SYT16: variants seen among roughly 807,000 people sequenced by gnomAD.
The protein encoded by SYT16 is synaptotagmin-16.
SYT16 carries 42 observed loss-of-function variants against 61.4 expected under a neutral mutation model. That is an observed-to-expected ratio of 0.68 (90% CI 0.53 to 0.89). SYT16 has a LOEUF of 0.89. Ranked by LOEUF, SYT16 falls within the 40% of genes least tolerant of loss-of-function variation. The pLI is 0.00. For synonymous variants in SYT16, 314 were observed against 302.3 expected (o/e 1.04, Z -0.40); for missense variants, 804 against 807.3 (o/e 1.00, Z 0.05).
At chr14:62,009,628 A>G (rs924938088) in intron 3 of SYT16, among the ~76,000 whole-genome samples, 2 of 152,180 alleles carry the variant, frequency 1.3e-5, no homozygotes, top group African/African-American at 4.8e-5. Flanking sequence ...TCCTATGCCC[A>G]AAAGAGCAGT....
At chr14:61,955,948 A>G (rs1036973352) in intron 1 of SYT16, among the ~76,000 whole-genome samples, 3 of 151,624 alleles carry the variant, frequency 2.0e-5, no homozygotes, top group African/African-American at 7.3e-5. Flanking sequence ...CCTCCCCAAC[A>G]CTTGCTCCTT....
intron 7 of SYT16, among the ~76,000 whole-genome samples, chr14:62,091,668 T>G (rs1473197137): frequency 6.6e-6 from 1 of 152,156 alleles, no homozygotes; most frequent in Non-Finnish European, 1.5e-5. Flanking sequence ...AGCATGAAGG[T>G]TGGATCCTTA....
chr14:61,899,547 G>C (rs572161177), intron 1 of SYT16, among the ~76,000 whole-genome samples: 6 of 152,324 alleles, frequency 3.9e-5, no homozygotes, highest in Admixed American at 2.6e-4. Context: ...AAGGTACAAA[G>C]CATCAGTAAG....
At chr14:61,869,643 A>G (rs575402014) in intron 1 of SYT16, among the ~76,000 whole-genome samples, 1 of 152,320 alleles carries the variant, frequency 6.6e-6, no homozygotes, top group East Asian at 1.9e-4. Flanking sequence ...CAACTCACCT[A>G]TTGAAGCCTA....
chr14:62,048,983 C>G (rs577605072), intron 3 of SYT16, among the ~76,000 whole-genome samples: 2 of 152,136 alleles, frequency 1.3e-5, no homozygotes, highest in African/African-American at 4.8e-5. Flanking sequence ...CTGTAGATGT[C>G]TGTTAGGTCT....
chr14:61,883,842 C>A (rs181332749), intron 1 of SYT16, among the ~76,000 whole-genome samples: 6 of 152,254 alleles, frequency 3.9e-5, no homozygotes, highest in Admixed American at 3.9e-4. Context: ...ACAATCATGG[C>A]GGAAAGCAGG....
chr14:61,961,725 T>G (rs918437495), intron 1 of SYT16, among the ~76,000 whole-genome samples: 4 of 152,132 alleles, frequency 2.6e-5, no homozygotes, highest in African/African-American at 9.7e-5. Flanking sequence ...TGAAAGAACT[T>G]AAAACAGAAT....
chr14:62,111,925 T>G lies in SYT16; in HGVS notation c.*11218T>G, dbSNP rs1438193876. On this transcript the variant is annotated 3_prime_UTR_variant, in exon 8 of 8. Coordinates refer to ENST00000683842, the MANE Select transcript of SYT16 (RefSeq NM_001367656.1). ...TATTAAAGAAGCATGAATGTATCAC[T>G]AGCTGTTACCAGAACAAACAGCTGT... 1 of 152,154 alleles carries G rather than the reference T, an allele frequency of 6.6e-6. No homozygotes were observed. Among genetic ancestry groups the G allele is most frequent in the Non-Finnish European group, 1.5e-5 (1 of 67,976 alleles). 9.4% of individuals were successfully genotyped at this position (152,154 alleles called of 1,614,324 possible).
At chr14:62,021,056 T>G (rs1195680136) in intron 3 of SYT16, among the ~76,000 whole-genome samples, 1 of 152,240 alleles carries the variant, frequency 6.6e-6, no homozygotes. Flanking sequence ...ATTCCTCTCC[T>G]AAGAACTCAT....
Position 62,102,533 on chromosome 14 carries a change from G to C in SYT16, c.*1826G>C, listed in dbSNP as rs2057440971. On this transcript the variant is annotated 3_prime_UTR_variant, in exon 8 of 8. Transcript: ENST00000683842. ...TTTTCCAGCATTATATCCATTAACT[G>C]CTGAGTGGTCTTTGCAGCGTGGCTA... 1.3e-5 allele frequency: 2 copies of C among 152,058 alleles called. No homozygotes were observed. Among genetic ancestry groups the C allele is most frequent in the South Asian group, 2.1e-4 (1 of 4,814 alleles). The allele number at this position is 152,058 out of a possible 1,614,324, so 9.4% of individuals were successfully genotyped here.
At chr14:62,030,290 C>T (rs367834896) in intron 3 of SYT16, among the ~76,000 whole-genome samples, 25 of 152,182 alleles carry the variant, frequency 1.6e-4, no homozygotes, top group African/African-American at 4.8e-4. Context: ...TAGTTTTGTC[C>T]GCTTATATCA....
intron 3 of SYT16, among the ~76,000 whole-genome samples, chr14:62,046,864 G>C (rs577999877): frequency 1.3e-5 from 2 of 152,284 alleles, no homozygotes; most frequent in Admixed American, 6.5e-5. Context: ...TAGCCTTGTA[G>C]TATAGTTTGA....
chr14:61,879,275 T>G (rs563383530), intron 1 of SYT16, among the ~76,000 whole-genome samples: 1 of 152,328 alleles, frequency 6.6e-6, no homozygotes, highest in African/African-American at 2.4e-5. Flanking sequence ...GTGCCTTTTC[T>G]TGTCTCTCCT....
At chr14:62,018,293 TTCTTC>T (rs2053772693) in intron 3 of SYT16, among the ~76,000 whole-genome samples, 5 of 68,012 alleles carry the variant, frequency 7.4e-5, no homozygotes, top group African/African-American at 2.3e-4. Flanking sequence ...CTTCTTCTTC[TTCTTC>T]TTTTTTTTTT....
intron 3 of SYT16, among the ~76,000 whole-genome samples, chr14:62,025,534 T>G (rs115103485): frequency 0.014 from 2,180 of 152,274 alleles, 64 homozygotes; most frequent in African/African-American, 0.05. Flanking sequence ...ATATTTCCTC[T>G]CAGTCTGTGG....
chr14:61,864,065 T>C (rs1362668629), intron 1 of SYT16, among the ~76,000 whole-genome samples: 1 of 152,284 alleles, frequency 6.6e-6, no homozygotes, highest in East Asian at 1.9e-4. Context: ...TCTTCAATAC[T>C]GCATGGACTA....
chr14:61,859,138 C>T (rs1233127691), intron 1 of SYT16, among the ~76,000 whole-genome samples: 5 of 152,016 alleles, frequency 3.3e-5, no homozygotes, highest in Non-Finnish European at 5.9e-5. Context: ...GGATTACAGG[C>T]GTGAGCCACC....
chr14:62,093,607 T>C (rs1224971173), intron 7 of SYT16, among the ~76,000 whole-genome samples: 2 of 152,118 alleles, frequency 1.3e-5, no homozygotes, highest in Non-Finnish European at 2.9e-5. Flanking sequence ...GCAAGAATGA[T>C]TTAATATTAG....
chr14:61,863,356 A>G (rs2047025130), intron 1 of SYT16, among the ~76,000 whole-genome samples: 1 of 152,222 alleles, frequency 6.6e-6, no homozygotes, highest in Non-Finnish European at 1.5e-5. Flanking sequence ...CCTTTCCCTG[A>G]CAACATATAA....
Sources: allele counts gnomAD v4.1 joint callset (sites outside exome capture counted in the v4.1 genomes callset), GRCh38; gene constraint gnomAD v4.1.1; transcripts MANE v1.5; gene names NCBI Gene and HGNC (gene_info 2026-07-23, HGNC 2026-07-21).